LYRM4: variants seen among roughly 807,000 people sequenced by gnomAD.
LYRM4 encodes the protein LYR motif-containing protein 4.
LYRM4 carries 9 observed loss-of-function variants against 11.7 expected under a neutral mutation model. The ratio of observed to expected loss-of-function variants is 0.77; its 90% CI spans 0.46 to 1.34. The LOEUF is 1.34. Among genes scored for constraint, LYRM4 ranks in the 40% most tolerant of loss-of-function variants. The probability of loss-of-function intolerance (pLI) is 0.00; values close to 1 mark genes in which losing one functional copy is unlikely to be tolerated. For synonymous variants in LYRM4, 42 were observed against 40.4 expected (o/e 1.04, Z -0.15); for missense variants, 133 against 112.5 (o/e 1.18, Z -0.82).
At chr6:5,117,054 C>A (rs1402462745) in intron 2 of LYRM4, among the ~76,000 whole-genome samples, 3 of 152,148 alleles carry the variant, frequency 2.0e-5, no homozygotes, top group Non-Finnish European at 4.4e-5. Context: ...CCACTTCCTG[C>A]CTATTTCGCA....
chr6:5,077,600 A>G, the LYRM4 span, among the ~76,000 whole-genome samples: 50 of 152,244 alleles, frequency 3.3e-4, no homozygotes, highest in Admixed American at 1.3e-3. Context: ...AAACTATGAA[A>G]TATTAAGTGA....
At chr6:5,141,767 C>T (rs1458648119) in intron 2 of LYRM4, among the ~76,000 whole-genome samples, 1 of 152,112 alleles carries the variant, frequency 6.6e-6, no homozygotes, top group African/African-American at 2.4e-5. Flanking sequence ...TGAACCGTGA[C>T]CCTCACTACC....
chr6:5,248,852 C>T (rs1419817604), intron 1 of LYRM4, among the ~76,000 whole-genome samples: 1 of 152,250 alleles, frequency 6.6e-6, no homozygotes, highest in Non-Finnish European at 1.5e-5. Context: ...TTTTGTTTAT[C>T]TCTGCATCCT....
intron 2 of LYRM4, among the ~76,000 whole-genome samples, chr6:5,129,859 G>A (rs1175105675): frequency 1.3e-5 from 2 of 152,246 alleles, no homozygotes; most frequent in East Asian, 1.9e-4. Flanking sequence ...AGGGAGAAGC[G>A]AGAGCGCAAA....
At chr6:5,260,516 C>A in intron 1 of LYRM4, 132 bp downstream of exon 1, 3 of 1,244,616 alleles carry the variant, frequency 2.4e-6, no homozygotes, top group African/African-American at 3.0e-5. Flanking sequence ...GATGGCGGAG[C>A]CCGGTCCTTG....
At chr6:5,147,730 C>G (rs1157091899) in intron 2 of LYRM4, among the ~76,000 whole-genome samples, 1 of 152,236 alleles carries the variant, frequency 6.6e-6, no homozygotes, top group Non-Finnish European at 1.5e-5. Flanking sequence ...TCTCTCCCTA[C>G]TGCCTAAACA....
chr6:5,138,487 CAAAAAAAAAAAAAAAAAAA>C (rs765741377), intron 2 of LYRM4, among the ~76,000 whole-genome samples: 27 of 49,670 alleles, frequency 5.4e-4, no homozygotes, highest in Admixed American at 7.2e-4. Context: ...ACCCTGTCTC[CAAAAAAAAAAAAAAAAAAA>C]AAAAAAAAAA....
chr6:5,066,092 G>T, the LYRM4 span: 1 of 442,826 alleles, frequency 2.3e-6, no homozygotes. Context: ...ATTCGAGTAA[G>T]ATACAGATTT....
the LYRM4 span, among the ~76,000 whole-genome samples, chr6:5,064,454 GCTCA>G: frequency 6.6e-6 from 1 of 152,154 alleles, no homozygotes; most frequent in Non-Finnish European, 1.5e-5. Context: ...AGCAACCCAA[GCTCA>G]CTGTTTGCTC....
intron 1 of LYRM4, among the ~76,000 whole-genome samples, chr6:5,237,631 G>T (rs906661570): frequency 1.3e-5 from 2 of 152,126 alleles, no homozygotes; most frequent in Non-Finnish European, 2.9e-5. Flanking sequence ...GGTTTAAAAT[G>T]TATGAAAAGT....
intron 2 of LYRM4, among the ~76,000 whole-genome samples, chr6:5,207,539 A>C (rs1440233468): frequency 6.6e-6 from 1 of 152,164 alleles, no homozygotes; most frequent in Admixed American, 6.5e-5. Context: ...CATAAGCAGG[A>C]CTGGAGTCAA....
intron 2 of LYRM4, among the ~76,000 whole-genome samples, chr6:5,119,807 A>C (rs978637582): frequency 8.6e-5 from 13 of 151,250 alleles, no homozygotes; most frequent in African/African-American, 1.9e-4. Flanking sequence ...AAAAAAAAAA[A>C]AAAAAAAAAA....
intron 2 of LYRM4, among the ~76,000 whole-genome samples, chr6:5,185,470 T>C (rs1295080215): frequency 6.6e-6 from 1 of 152,038 alleles, no homozygotes; most frequent in Non-Finnish European, 1.5e-5. Context: ...AGTTGAGATA[T>C]AAAGGGAATA....
At chr6:5,119,026 G>T (rs532554702) in intron 2 of LYRM4, among the ~76,000 whole-genome samples, 3 of 152,222 alleles carry the variant, frequency 2.0e-5, no homozygotes, top group Non-Finnish European at 4.4e-5. Flanking sequence ...AAGTGTGGTA[G>T]CTGAGAAAGA....
At chr6:5,164,697 G>A (rs1758966545) in intron 2 of LYRM4, among the ~76,000 whole-genome samples, 1 of 152,168 alleles carries the variant, frequency 6.6e-6, no homozygotes, top group Non-Finnish European at 1.5e-5. Flanking sequence ...GCCGGGTGTG[G>A]CGGCTCATAC....
chr6:5,135,727 T>C (rs571530389), intron 2 of LYRM4, among the ~76,000 whole-genome samples: 31 of 152,298 alleles, frequency 2.0e-4, no homozygotes, highest in African/African-American at 7.2e-4. Flanking sequence ...ACACACACAA[T>C]ACTGATGTGT....
At chr6:5,123,601 C>T (rs1268829014) in intron 2 of LYRM4, among the ~76,000 whole-genome samples, 1 of 152,226 alleles carries the variant, frequency 6.6e-6, no homozygotes, top group Non-Finnish European at 1.5e-5. Context: ...GTTCCCACGG[C>T]CCCTACTTAA....
chr6:5,222,029 G>A lies in LYRM4; in HGVS notation c.87-5291C>T, dbSNP rs191182495. On this transcript the variant is annotated intron_variant, in intron 1 of 2. Coordinates refer to ENST00000330636, the MANE Select transcript of LYRM4 (RefSeq NM_020408.6). ...AAATGGATCACGATGCCTATGGAGA[G>A]GAAGCTCAAGGATCATTTGAAGGTC... Among the ~76,000 whole-genome samples, 423 of 152,250 alleles carry A rather than the reference G, an allele frequency of 2.8e-3. 3 individuals are homozygous for A. The highest frequency in any genetic ancestry group is 9.1e-3 in the African/African-American group (379 of 41,540).
intron 1 of LYRM4, among the ~76,000 whole-genome samples, chr6:5,222,137 C>G (rs2127730736): frequency 6.6e-6 from 1 of 152,184 alleles, no homozygotes; most frequent in Middle Eastern, 3.4e-3. Flanking sequence ...CAATGTAAGC[C>G]CCACATAGCA....
Sources: gnomAD v4.1 joint callset for allele counts (sites outside exome capture counted in the v4.1 genomes callset) on GRCh38, gnomAD v4.1.1 for gene constraint, MANE v1.5 for transcripts, NCBI Gene and HGNC (gene_info 2026-07-23, HGNC 2026-07-21) for gene names.